Variants in NRG3 observed in about 807,000 individuals in gnomAD.
NRG3 encodes pro-neuregulin-3, membrane-bound isoform.
Under a neutral mutation model 66.9 loss-of-function variants are expected in NRG3, and 31 were observed. That is an observed-to-expected ratio of 0.46 (90% CI 0.35 to 0.63). NRG3 has a LOEUF of 0.63. NRG3 is among the 20% of genes least tolerant of loss of function. NRG3 has a pLI of 0.00. For missense variants in NRG3, 910 were observed against 878.9 expected, an observed-to-expected ratio of 1.04 and a Z score of -0.45; for synonymous variants, 393 against 359.4, an observed-to-expected ratio of 1.09 and a Z score of -1.06.
At chr10:82,694,904 C>T (rs1033937739) in intron 2 of NRG3, among the ~76,000 whole-genome samples, 1 of 152,094 alleles carries the variant, frequency 6.6e-6, no homozygotes, top group Admixed American at 6.6e-5. Flanking sequence ...CTAGTAGGAA[C>T]TTAAATAGAT....
chr10:82,127,849 C>T (rs1298975809), intron 1 of NRG3, among the ~76,000 whole-genome samples: 3 of 151,956 alleles, frequency 2.0e-5, no homozygotes, highest in Non-Finnish European at 4.4e-5. Context: ...CTCTCTCCCA[C>T]CCTCTTCAGT....
intron 3 of NRG3, among the ~76,000 whole-genome samples, chr10:82,845,223 C>A (rs2063251725): frequency 2.0e-5 from 3 of 152,146 alleles, no homozygotes; most frequent in Non-Finnish European, 4.4e-5. Context: ...TCTATACATG[C>A]CAGTAGTGGT....
chr10:82,304,451 T>C (rs757727879), intron 1 of NRG3, among the ~76,000 whole-genome samples: 1 of 152,252 alleles, frequency 6.6e-6, no homozygotes, highest in Non-Finnish European at 1.5e-5. Context: ...CTTTTGATTT[T>C]ACTTGCAGGG....
intron 2 of NRG3, among the ~76,000 whole-genome samples, chr10:82,692,178 A>G (rs1205503188): frequency 6.6e-6 from 1 of 151,414 alleles, no homozygotes. Flanking sequence ...GCTTGAACCC[A>G]GGAGGCAGAG....
chr10:82,568,282 T>C (rs1565078994), intron 2 of NRG3, among the ~76,000 whole-genome samples: 1 of 151,864 alleles, frequency 6.6e-6, no homozygotes, highest in Non-Finnish European at 1.5e-5. Context: ...AGGAGCAGTT[T>C]AGTAATTTAA....
intron 1 of NRG3, among the ~76,000 whole-genome samples, chr10:82,310,016 T>C (rs1476640756): frequency 1.3e-5 from 2 of 152,184 alleles, no homozygotes; most frequent in Admixed American, 6.5e-5. Flanking sequence ...CTACTTTTGC[T>C]GTAACTTCCT....
intron 2 of NRG3, among the ~76,000 whole-genome samples, chr10:82,471,638 C>T (rs908744742): frequency 5.3e-5 from 8 of 152,080 alleles, no homozygotes; most frequent in African/African-American, 1.2e-4. Flanking sequence ...CGACTGGGCA[C>T]GGTGGCTCAT....
At chr10:82,793,656 C>T (rs373695205) in intron 3 of NRG3, among the ~76,000 whole-genome samples, 3 of 152,170 alleles carry the variant, frequency 2.0e-5, no homozygotes, top group African/African-American at 7.2e-5. Flanking sequence ...TTTCATTTCT[C>T]ACTAATCTTT....
chr10:82,098,342 A>ATGACATC (rs2066506099), intron 1 of NRG3, among the ~76,000 whole-genome samples: 1 of 151,778 alleles, frequency 6.6e-6, no homozygotes, highest in African/African-American at 2.4e-5. Context: ...TGACATATAT[A>ATGACATC]TAGATGACAT....
At chr10:82,233,402 A>G (rs781701771) in intron 1 of NRG3, among the ~76,000 whole-genome samples, 4 of 152,146 alleles carry the variant, frequency 2.6e-5, no homozygotes, top group Non-Finnish European at 5.9e-5. Context: ...AGAATTGGCT[A>G]GCCTCAAGCA....
intron 2 of NRG3, among the ~76,000 whole-genome samples, chr10:82,720,810 C>CATATACATAT (rs571675177): frequency 3.8e-4 from 44 of 114,728 alleles, no homozygotes; most frequent in Middle Eastern, 4.6e-3. Flanking sequence ...GTATTTTATA[C>CATATACATAT]ATATATATAT....
intron 1 of NRG3, among the ~76,000 whole-genome samples, chr10:82,262,432 G>A (rs956288578): frequency 2.0e-5 from 3 of 152,152 alleles, no homozygotes; most frequent in Non-Finnish European, 4.4e-5. Flanking sequence ...TAGCTCTGTT[G>A]CTTGTTTTAC....
chr10:82,738,977 AT>A (rs1427018810), intron 3 of NRG3, among the ~76,000 whole-genome samples: 1 of 152,204 alleles, frequency 6.6e-6, no homozygotes, highest in Non-Finnish European at 1.5e-5. Flanking sequence ...AACAGAGCTT[AT>A]TATTTACCTG....
chr10:82,780,762 G>C (rs1365258192), intron 3 of NRG3, among the ~76,000 whole-genome samples: 1 of 152,044 alleles, frequency 6.6e-6, no homozygotes, highest in Non-Finnish European at 1.5e-5. Context: ...CCTTCTTGGT[G>C]CCACCAGTGA....
intron 2 of NRG3, among the ~76,000 whole-genome samples, chr10:82,682,968 T>C (rs2054220755): frequency 7.1e-6 from 1 of 141,076 alleles, no homozygotes; most frequent in African/African-American, 2.7e-5. Context: ...TTTTTTTTTT[T>C]TTTTTTCTGA....
At chr10:82,134,304 C>A (rs948887545) in intron 1 of NRG3, among the ~76,000 whole-genome samples, 1 of 152,120 alleles carries the variant, frequency 6.6e-6, no homozygotes. Context: ...GTAGCGATTT[C>A]TTTTGGTGTC....
chr10:82,463,316 C>G (rs1422959313), intron 2 of NRG3, among the ~76,000 whole-genome samples: 1 of 152,160 alleles, frequency 6.6e-6, no homozygotes, highest in African/African-American at 2.4e-5. Context: ...GTCCTAAGTA[C>G]AGTAGCAACA....
intron 1 of NRG3, among the ~76,000 whole-genome samples, chr10:82,298,581 A>G (rs2080211674): frequency 6.6e-6 from 1 of 152,130 alleles, no homozygotes; most frequent in Non-Finnish European, 1.5e-5. Flanking sequence ...GAATATAAAG[A>G]GTAAGTCTGA....
Position 82,305,096 on chromosome 10 carries a change from G to A in NRG3, c.824-53643G>A, listed in dbSNP as rs1433560710. Among the ~76,000 whole-genome samples, 13 of 138,278 alleles carry A rather than the reference G, an allele frequency of 9.4e-5. No homozygotes were observed. In the South Asian group the frequency reaches 9.8e-4, roughly 10 times the overall value. 90.7% of individuals were successfully genotyped at this position (138,278 alleles called of 152,430 possible). On this transcript the variant is annotated intron_variant, in intron 1 of 8. Coordinates refer to ENST00000372141, the MANE Select transcript of NRG3 (RefSeq NM_001010848.4). ...TGCAAGCTCCGCCTCCTGGGTTCAC[G>A]CCATTCTCCTGCCTCAGCCTCCCGA...
Sources: allele counts gnomAD v4.1 joint callset (sites outside exome capture counted in the v4.1 genomes callset), GRCh38; gene constraint gnomAD v4.1.1; transcripts MANE v1.5; gene names NCBI Gene and HGNC (gene_info 2026-07-23, HGNC 2026-07-21).